GRIK2: variants seen among roughly 807,000 people sequenced by gnomAD.
GRIK2 encodes glutamate ionotropic receptor kainate type subunit 2, also known as glutamate receptor ionotropic, kainate 2.
GRIK2 carries 32 observed loss-of-function variants against 100.3 expected under a neutral mutation model. The ratio of observed to expected loss-of-function variants is 0.32; its 90% confidence interval spans 0.24 to 0.43. The LOEUF (loss-of-function observed/expected upper bound fraction) is 0.43. Ranked by LOEUF, GRIK2 falls within the 20% of genes least tolerant of loss-of-function variation. The pLI is 1.00. For synonymous variants in GRIK2, 417 were observed against 389.4 expected (o/e 1.07, Z -0.83); for missense variants, 843 against 1,114.9 (o/e 0.76, Z 3.47).
chr6:101,427,533 A>G (rs527483589), intron 2 of GRIK2, among the ~76,000 whole-genome samples: 1 of 152,344 alleles, frequency 6.6e-6, no homozygotes, highest in South Asian at 2.1e-4. Flanking sequence ...AAGTGCAGCC[A>G]GTCAATATTT....
chr6:101,407,339 G>A (rs1775646592), intron 2 of GRIK2, among the ~76,000 whole-genome samples: 1 of 152,098 alleles, frequency 6.6e-6, no homozygotes, highest in South Asian at 2.1e-4. Context: ...CTTAAGTTTA[G>A]AGGTGAATTG....
intron 14 of GRIK2, among the ~76,000 whole-genome samples, chr6:101,942,018 A>G (rs184420774): frequency 1.3e-5 from 2 of 152,254 alleles, no homozygotes; most frequent in South Asian, 4.1e-4. Context: ...ACAGCTATTA[A>G]ATATTAATTT....
rs369869715 is a variant in GRIK2 at position 101,487,645 on chromosome 6, T to C, written c.115+88253T>C. Among the ~76,000 whole-genome samples, 13 of 146,674 alleles carry C rather than the reference T, an allele frequency of 8.9e-5. 3 individuals carry two copies. The highest frequency in any genetic ancestry group is 2.1e-4 in the South Asian group (1 of 4,674). On this transcript the variant is annotated intron_variant, in intron 2 of 16. Transcript: ENST00000369134. ...CACAAAATATAATATGACTTACACA[T>C]AGTAACACACATAATGTGACTTACA...
chr6:102,047,976 A>G (rs576532956), intron 15 of GRIK2, among the ~76,000 whole-genome samples: 14 of 151,848 alleles, frequency 9.2e-5, no homozygotes, highest in Admixed American at 3.3e-4. Flanking sequence ...AATCAATAGT[A>G]ATCAAAATAG....
chr6:102,023,368 A>G (rs1356634550), intron 14 of GRIK2, among the ~76,000 whole-genome samples: 1 of 151,616 alleles, frequency 6.6e-6, no homozygotes, highest in African/African-American at 2.4e-5. Flanking sequence ...ATAATTATAT[A>G]AGATTCCTGT....
intron 7 of GRIK2, among the ~76,000 whole-genome samples, chr6:101,782,861 T>C (rs1192419353): frequency 2.7e-5 from 4 of 148,652 alleles, no homozygotes; most frequent in Non-Finnish European, 4.5e-5. Flanking sequence ...AAATCTCTTT[T>C]TTTTTTTTTT....
chr6:101,399,297 T>C lies in GRIK2; in HGVS notation c.20T>C (p.Ile7Thr), dbSNP rs1775148870. 5 of 1,563,334 alleles carry C rather than the reference T, an allele frequency of 3.2e-6. No individual in the cohort carries two copies. Among genetic ancestry groups the C allele is most frequent in the South Asian group, 1.1e-5 (1 of 90,002 alleles). The change falls in exon 2 of 17, where the codon ATT (isoleucine) becomes ACT (threonine). Residue 7 changes from isoleucine to threonine, a missense_variant. Coordinates refer to ENST00000369134, the MANE Select transcript of GRIK2 (RefSeq NM_021956.5). ...AACACCATGAAGATTATTTTCCCGA[T>C]TCTAAGTAATCCAGTCTTCAGGCGC... MKIIFP[I>T]LSNPVFRRTV...
chr6:101,916,345 C>G (rs566981980), intron 12 of GRIK2, among the ~76,000 whole-genome samples: 1 of 151,114 alleles, frequency 6.6e-6, no homozygotes, highest in East Asian at 2.0e-4. Context: ...ACTTTATGAC[C>G]AAATCTTAAT....
chr6:101,467,147 T>C (rs985017177), intron 2 of GRIK2, among the ~76,000 whole-genome samples: 3 of 152,202 alleles, frequency 2.0e-5, no homozygotes, highest in East Asian at 3.8e-4. Flanking sequence ...AGCCATTTTC[T>C]TTGTAAAATT....
intron 2 of GRIK2, among the ~76,000 whole-genome samples, chr6:101,570,931 T>C (rs1777496556): frequency 1.3e-5 from 2 of 152,164 alleles, no homozygotes; most frequent in African/African-American, 2.4e-5. Flanking sequence ...AAGTCTACTG[T>C]GGTCTGTTGT....
At chr6:101,598,538 T>G (rs2128308909) in intron 2 of GRIK2, among the ~76,000 whole-genome samples, 1 of 144,664 alleles carries the variant, frequency 6.9e-6, no homozygotes, top group African/African-American at 2.5e-5. Context: ...GGTAGAAAGC[T>G]CTCACTAAAT....
chr6:101,835,536 C>T (rs983463642), intron 10 of GRIK2, among the ~76,000 whole-genome samples: 3 of 141,572 alleles, frequency 2.1e-5, no homozygotes, highest in African/African-American at 7.8e-5. Context: ...AGTGGCATGA[C>T]CTCGGCTCAC....
chr6:101,589,413 A>C (rs1303493676), intron 2 of GRIK2, among the ~76,000 whole-genome samples: 1 of 152,102 alleles, frequency 6.6e-6, no homozygotes, highest in African/African-American at 2.4e-5. Flanking sequence ...ACCTATCGGA[A>C]GTTTTGTAAC....
At chr6:101,661,419 G>A (rs1374789838) in intron 4 of GRIK2, among the ~76,000 whole-genome samples, 2 of 152,058 alleles carry the variant, frequency 1.3e-5, no homozygotes, top group African/African-American at 2.4e-5. Flanking sequence ...GCTCGGTGGG[G>A]GTGAGATACG....
chr6:101,518,153 TTTTG>T (rs1474821777), intron 2 of GRIK2, among the ~76,000 whole-genome samples: 1 of 152,146 alleles, frequency 6.6e-6, no homozygotes, highest in African/African-American at 2.4e-5. Context: ...TTGGAATGCG[TTTTG>T]TTTAAGACTA....
intron 10 of GRIK2, among the ~76,000 whole-genome samples, chr6:101,842,466 T>G (rs150537800): frequency 6.6e-6 from 1 of 152,332 alleles, no homozygotes; most frequent in East Asian, 1.9e-4. Flanking sequence ...GTTATCTTTA[T>G]GCATTTAAAT....
At chr6:101,632,940 A>C (rs1216184278) in intron 4 of GRIK2, among the ~76,000 whole-genome samples, 1 of 152,116 alleles carries the variant, frequency 6.6e-6, no homozygotes, top group East Asian at 1.9e-4. Flanking sequence ...CATGAAGGAT[A>C]AGTAAAATGC....
intron 15 of GRIK2, among the ~76,000 whole-genome samples, chr6:102,053,813 T>C (rs1771330632): frequency 6.6e-6 from 1 of 151,996 alleles, no homozygotes; most frequent in African/African-American, 2.4e-5. Flanking sequence ...ATAGAACATA[T>C]CTCAACAGGT....
chr6:101,396,828 G>A (rs1775029630), intron 1 of GRIK2, among the ~76,000 whole-genome samples: 1 of 152,160 alleles, frequency 6.6e-6, no homozygotes, highest in African/African-American at 2.4e-5. Flanking sequence ...TTGTGCTAAA[G>A]CCTTTCAACT....
Sources: gnomAD v4.1 joint callset for allele counts (sites outside exome capture counted in the v4.1 genomes callset) on GRCh38, gnomAD v4.1.1 for gene constraint, MANE v1.5 for transcripts, NCBI Gene and HGNC (gene_info 2026-07-23, HGNC 2026-07-21) for gene names.